ME1: variants seen among roughly 807,000 people sequenced by gnomAD.
ME1 encodes the protein malic enzyme 1, also known as NADP-dependent malic enzyme.
A neutral mutation model predicts 66.4 loss-of-function variants in ME1; 74 were observed. The ratio of observed to expected loss-of-function variants is 1.11; its 90% CI spans 0.92 to 1.35. ME1 has a LOEUF of 1.35. Ranked by LOEUF, ME1 falls within the 40% of genes most tolerant of loss-of-function variation. The pLI is 0.00. For missense variants in ME1, 750 were observed against 694.1 expected, an observed-to-expected ratio of 1.08 and a Z score of -0.90; for synonymous variants, 251 against 235.6, an observed-to-expected ratio of 1.07 and a Z score of -0.60.
chr6:83,351,857 A>G (rs1169271652), intron 4 of ME1, among the ~76,000 whole-genome samples: 1 of 152,184 alleles, frequency 6.6e-6, no homozygotes. Context: ...AATTAGATAG[A>G]AATAATAGGA....
chr6:83,257,062 G>A (rs1766786826), intron 6 of ME1, among the ~76,000 whole-genome samples: 2 of 151,940 alleles, frequency 1.3e-5, no homozygotes, highest in South Asian at 4.1e-4. Flanking sequence ...GGCTAGGGGA[G>A]GGATAACATT....
intron 3 of ME1, among the ~76,000 whole-genome samples, chr6:83,376,774 G>C (rs553379466): frequency 7.7e-6 from 1 of 130,440 alleles, no homozygotes; most frequent in Non-Finnish European, 1.6e-5. Flanking sequence ...CTGAACTCCA[G>C]CCCAGGCGAC....
intron 1 of ME1, among the ~76,000 whole-genome samples, chr6:83,426,620 C>A (rs2127698432): frequency 6.6e-6 from 1 of 152,310 alleles, no homozygotes; most frequent in African/African-American, 2.4e-5. Context: ...ATTTCTCTCT[C>A]TTTCTTACAA....
intron 6 of ME1, among the ~76,000 whole-genome samples, chr6:83,260,642 T>C (rs1280627359): frequency 2.6e-5 from 4 of 152,112 alleles, no homozygotes; most frequent in African/African-American, 9.7e-5. Flanking sequence ...GTGCCCCTCT[T>C]TGTGTTCAAG....
chr6:83,261,919 C>A (rs1766899112), intron 6 of ME1, among the ~76,000 whole-genome samples: 1 of 148,374 alleles, frequency 6.7e-6, no homozygotes, highest in South Asian at 2.1e-4. Flanking sequence ...GAGGCTGAGG[C>A]AGGAGAATCA....
At chr6:83,301,185 T>TA (rs1767709941) in intron 6 of ME1, among the ~76,000 whole-genome samples, 2 of 151,512 alleles carry the variant, frequency 1.3e-5, no homozygotes, top group African/African-American at 4.9e-5. Context: ...CCCTAGAACT[T>TA]AAAGTATAAT....
rs989633735 is a variant in ME1, at chr6:83,346,255, T to A, written c.518A>T (p.Lys173Ile). 1 of 1,613,488 alleles carries A rather than the reference T, an allele frequency of 6.2e-7. No individual in the cohort carries two copies. Among genetic ancestry groups the A allele is most frequent in the African/African-American group, 1.3e-5 (1 of 74,882 alleles). Residue 173 changes from lysine to isoleucine, a missense_variant, in exon 5 of 14, where the codon AAA becomes ATA. By Grantham distance (102) the Lys-to-Ile change is moderately radical. Coordinates refer to ENST00000369705, the MANE Select transcript of ME1 (RefSeq NM_002395.6). Reference protein sequence around the residue: ...GCNGMGIPVGKLALYTACGGM... With the variant: ...GCNGMGIPVGILALYTACGGM... ...TCCGCAAGCTGTATATAGAGCCAAT[T>A]TACCCACAGGGATGCCCATTCCATT...
intron 5 of ME1, among the ~76,000 whole-genome samples, chr6:83,322,529 A>C (rs1356774842): frequency 6.6e-6 from 1 of 152,142 alleles, no homozygotes; most frequent in African/African-American, 2.4e-5. Flanking sequence ...CAATAGCTGA[A>C]TCAATCAAGT....
At chr6:83,255,197 G>C (rs1766741981) in intron 6 of ME1, among the ~76,000 whole-genome samples, 1 of 151,896 alleles carries the variant, frequency 6.6e-6, no homozygotes, top group Non-Finnish European at 1.5e-5. Flanking sequence ...GTGTAGCCTA[G>C]CATCTTTTTC....
At chr6:83,304,248 T>C (rs1443038824) in intron 6 of ME1, among the ~76,000 whole-genome samples, 5 of 152,066 alleles carry the variant, frequency 3.3e-5, no homozygotes, top group Non-Finnish European at 5.9e-5. Flanking sequence ...AAAGTGCAAG[T>C]TTTACTTATC....
chr6:83,417,654 C>T lies in ME1; in HGVS notation c.79-9753G>A, dbSNP rs1770188069. The stretch of plus-strand genomic sequence containing the variant: ...TTGGCCTCCCAAAGTACTGGGATTA[C>T]AGGCATGAGCTACAACGCCAGGCCC... On this transcript the variant is annotated intron_variant, in intron 1 of 13. Transcript: ENST00000369705. 1.3e-5 allele frequency among the ~76,000 whole-genome samples: 2 copies of T among 152,204 alleles called. 1 individual carries two copies. The highest frequency in any genetic ancestry group is 4.1e-4 in the South Asian group (2 of 4,832).
intron 6 of ME1, among the ~76,000 whole-genome samples, chr6:83,311,056 T>G (rs755008990): frequency 4.6e-5 from 7 of 152,152 alleles, no homozygotes; most frequent in Non-Finnish European, 1.0e-4. Flanking sequence ...GGCCTTCCCC[T>G]TCTTTCTTGG....
At chr6:83,227,950 T>C (rs1414334166) in intron 10 of ME1, among the ~76,000 whole-genome samples, 1 of 152,176 alleles carries the variant, frequency 6.6e-6, no homozygotes, top group Non-Finnish European at 1.5e-5. Context: ...ATTAGCATAA[T>C]GGAAATGAAA....
intron 1 of ME1, among the ~76,000 whole-genome samples, chr6:83,413,004 C>G (rs1770081761): frequency 6.6e-6 from 1 of 152,120 alleles, no homozygotes; most frequent in Non-Finnish European, 1.5e-5. Context: ...AGAGTCAATT[C>G]AGTAACTAAT....
intron 9 of ME1, among the ~76,000 whole-genome samples, chr6:83,237,268 AAAGAAAGAAAGG>A (rs1390899699): frequency 9.4e-6 from 1 of 106,604 alleles, no homozygotes; most frequent in Non-Finnish European, 1.9e-5. Flanking sequence ...AGAAAGAAAG[AAAGAAAGAAAGG>A]AAGGAAGGAA....
rs192491812 is a variant in ME1, at chr6:83,316,705, A to G, written c.601-1292T>C. ...ACCAAAAAAAATCCCAGTAGAAAAA[A>G]ATACATGAATTTAACACAATCACAG... On this transcript the variant is annotated intron_variant, in intron 5 of 13. Coordinates refer to ENST00000369705, the MANE Select transcript of ME1 (RefSeq NM_002395.6). Among the ~76,000 whole-genome samples, 459 of 152,260 alleles carry G rather than the reference A, an allele frequency of 3.0e-3. 1 individual carries two copies. The highest frequency in any genetic ancestry group is 0.011 in the African/African-American group (442 of 41,566).
chr6:83,242,176 GT>G (rs1230395206), intron 7 of ME1, among the ~76,000 whole-genome samples: 1 of 152,120 alleles, frequency 6.6e-6, no homozygotes, highest in Non-Finnish European at 1.5e-5. Flanking sequence ...TGTACTATCA[GT>G]TTTAAAGAGG....
intron 6 of ME1, among the ~76,000 whole-genome samples, chr6:83,281,630 A>T (rs1357557099): frequency 1.3e-5 from 2 of 151,408 alleles, no homozygotes; most frequent in Non-Finnish European, 2.9e-5. Context: ...AGATGGTGAA[A>T]CCCCATCTCT....
intron 3 of ME1, among the ~76,000 whole-genome samples, chr6:83,370,669 T>C (rs900695162): frequency 2.6e-5 from 4 of 152,026 alleles, no homozygotes; most frequent in African/African-American, 7.2e-5. Context: ...ACATTACAAA[T>C]AACAGCAATG....
Sources: allele counts gnomAD v4.1 joint callset (sites outside exome capture counted in the v4.1 genomes callset), GRCh38; gene constraint gnomAD v4.1.1; transcripts MANE v1.5; gene names NCBI Gene and HGNC (gene_info 2026-07-23, HGNC 2026-07-21).